BIRC6: variants seen among roughly 807,000 people sequenced by gnomAD.
The protein encoded by BIRC6 is baculoviral IAP repeat containing 6.
A neutral mutation model predicts 503.3 loss-of-function variants in BIRC6; 98 were observed. The ratio of observed to expected loss-of-function variants is 0.19; its 90% CI spans 0.17 to 0.23. The LOEUF is 0.23. Ranked by LOEUF, BIRC6 falls within the 10% of genes least tolerant of loss-of-function variation. The pLI is 1.00. For missense variants in BIRC6, 5,360 were observed against 5,806.0 expected (o/e 0.92, Z 2.50); for synonymous variants, 2,240 against 2,078.7 (o/e 1.08, Z -2.11).
Position 32,525,552 on chromosome 2 carries a change from A to G in BIRC6, c.11844A>G (p.Gly3948=), listed in dbSNP as rs2056194130. 2 of 1,613,986 alleles carry G rather than the reference A, an allele frequency of 1.2e-6. No homozygotes were observed. Among genetic ancestry groups the G allele is most frequent in the Non-Finnish European group, 1.7e-6 (2 of 1,179,864 alleles). The change falls in exon 59 of 74, where the codon GGA becomes GGG. Residue 3948 remains glycine, a synonymous_variant. Coordinates refer to ENST00000421745, the MANE Select transcript of BIRC6 (RefSeq NM_016252.4). ...RRGRTIPDKI[G]STSGAEAANK... is the part of the protein sequence containing the mutation. ...GGAGGACAATACCTGATAAAATAGGAAGTACTTCAGGAGCAGAGGCTGCCA... is the reference window on the plus strand; with the variant it reads ...GGAGGACAATACCTGATAAAATAGGGAGTACTTCAGGAGCAGAGGCTGCCA...
At chr2:32,605,727 G>A (rs1287477192) in intron 71 of BIRC6, among the ~76,000 whole-genome samples, 4 of 151,996 alleles carry the variant, frequency 2.6e-5, no homozygotes, top group Admixed American at 2.0e-4. Context: ...ATGGGGTCAC[G>A]GGCACCTGTA....
chr2:32,598,204 A>C (rs565697696), intron 69 of BIRC6, among the ~76,000 whole-genome samples: 58 of 138,180 alleles, frequency 4.2e-4, no homozygotes, highest in Admixed American at 2.7e-3. Flanking sequence ...ATCACAGCTC[A>C]CTGCAGCCTC....
At chr2:32,493,447 T>C in intron 44 of BIRC6, 93 bp from the exon 45 acceptor site, 1 of 1,264,168 alleles carries the variant, frequency 7.9e-7, no homozygotes, top group East Asian at 2.4e-5. Flanking sequence ...TTACAGTGTA[T>C]AGCTTTTGAC....
At chr2:32,452,046 G>C (rs2046786405) in intron 22 of BIRC6, among the ~76,000 whole-genome samples, 1 of 152,088 alleles carries the variant, frequency 6.6e-6, no homozygotes, top group Admixed American at 6.5e-5. Context: ...GAAGTTCATT[G>C]GTAAGATTTC....
In BIRC6 at chr2:32,552,898, A is replaced by G. The variant is rs1283429357; in HGVS notation, c.13144+3417A>G. 1.1e-4 allele frequency among the ~76,000 whole-genome samples: 17 copies of G among 150,088 alleles called. 1 individual carries two copies. The South Asian group carries it at 3.1e-3, about 28-fold the overall frequency. On this transcript the variant is annotated intron_variant, in intron 65 of 73. Coordinates refer to ENST00000421745, the MANE Select transcript of BIRC6 (RefSeq NM_016252.4). ...TTTATATTTATGTTTACTTAATTAT[A>G]TATGTACTTATATGCTTATATTAAG...
intron 55 of BIRC6, among the ~76,000 whole-genome samples, chr2:32,517,977 A>G (rs1237655269): frequency 6.6e-6 from 1 of 152,002 alleles, no homozygotes; most frequent in Non-Finnish European, 1.5e-5. Flanking sequence ...GGTATTCATT[A>G]TGTGCAAACC....
intron 45 of BIRC6, among the ~76,000 whole-genome samples, chr2:32,496,935 C>T (rs1054864587): frequency 6.6e-6 from 1 of 152,168 alleles, no homozygotes; most frequent in Non-Finnish European, 1.5e-5. Context: ...GTAAAAGTTA[C>T]TCTTCCTTCT....
chr2:32,412,487 G>T (rs1000207343), intron 9 of BIRC6, among the ~76,000 whole-genome samples: 1 of 150,978 alleles, frequency 6.6e-6, no homozygotes, highest in African/African-American at 2.4e-5. Context: ...GCAATAGTGA[G>T]ACTTTGTCTC....
chr2:32,392,867 C>T (rs2039427090), intron 5 of BIRC6, among the ~76,000 whole-genome samples: 1 of 151,574 alleles, frequency 6.6e-6, no homozygotes, highest in African/African-American at 2.4e-5. Flanking sequence ...GTCTCGAACT[C>T]CTGCTCAAGT....
intron 62 of BIRC6, among the ~76,000 whole-genome samples, chr2:32,543,966 G>A (rs74590291): frequency 0.03 from 4,639 of 152,290 alleles, 179 homozygotes; most frequent in African/African-American, 0.092. Context: ...ACTCAGCAAT[G>A]TGAATGAAGT....
chr2:32,539,418 A>G (rs1158353529), intron 61 of BIRC6, among the ~76,000 whole-genome samples: 2 of 152,242 alleles, frequency 1.3e-5, no homozygotes, highest in East Asian at 3.9e-4. Context: ...AAAGATAGAC[A>G]GTATGCTGGC....
intron 23 of BIRC6, among the ~76,000 whole-genome samples, chr2:32,460,998 C>CTCTCTTCTCTTCTCT (rs1244077881): frequency 0.012 from 1,040 of 88,708 alleles, 38 homozygotes; most frequent in Middle Eastern, 0.031. Context: ...CTCTGCTCTG[C>CTCTCTTCTCTTCTCT]TCTCTTCTCT....
Position 32,602,045 on chromosome 2 carries a change from T to C in BIRC6, c.13993-961T>C, listed in dbSNP as rs552043898. 2.0e-5 allele frequency among the ~76,000 whole-genome samples: 3 copies of C among 152,304 alleles called. No individual in the cohort carries two copies. In the South Asian group the frequency reaches 6.2e-4, roughly 32 times the overall value. ...CCACTTTTATTAAAAATAGTTATTTTAGTAAAAATAGAACTAGCATATGAT... is the reference window on the plus strand; with the variant it reads ...CCACTTTTATTAAAAATAGTTATTTCAGTAAAAATAGAACTAGCATATGAT... On this transcript the variant is annotated intron_variant, in intron 70 of 73. Transcript: ENST00000421745.
At chr2:32,471,156 C>G in intron 32 of BIRC6, 32 bp downstream of exon 32, 1 of 1,548,808 alleles carries the variant, frequency 6.5e-7, no homozygotes, top group Middle Eastern at 1.7e-4. Flanking sequence ...TGACAGGTAT[C>G]AGAAGTTTAT....
At chr2:32,499,503 CTCTCTCTCTCTCTTTTTCTG>C (rs1203378524) in intron 45 of BIRC6, 24 bp from the exon 46 acceptor site, 5 of 1,414,898 alleles carry the variant, frequency 3.5e-6, no homozygotes, top group Non-Finnish European at 4.7e-6. Flanking sequence ...TGTTGTATCT[CTCTCTCTCTCTCTTTTTCTG>C]TCTCTCTCTC....
rs188479923 is a variant in BIRC6, at chr2:32,389,527, T to C, written c.839+584T>C. On this transcript the variant is annotated intron_variant, in intron 4 of 73. Transcript: ENST00000421745. ...TAGAGGTTTTTTTGAATGCCTATTT[T>C]GTTTAATTAATTAAAAAACCAGTGA... is the stretch of plus-strand genomic sequence containing the variant. 1.8e-3 allele frequency among the ~76,000 whole-genome samples: 272 copies of C among 152,330 alleles called. 2 individuals carry two copies. The highest frequency in any genetic ancestry group is 6.4e-3 in the African/African-American group (264 of 41,572).
At chr2:32,465,995 GAGATGAGC>G (rs1279044832) in intron 26 of BIRC6, among the ~76,000 whole-genome samples, 1 of 152,122 alleles carries the variant, frequency 6.6e-6, no homozygotes, top group Non-Finnish European at 1.5e-5. Flanking sequence ...AGTCTTATGG[GAGATGAGC>G]AGTTGTTTAC....
At chr2:32,408,143 T>C (rs904888172) in intron 9 of BIRC6, among the ~76,000 whole-genome samples, 39 of 152,106 alleles carry the variant, frequency 2.6e-4, no homozygotes, top group Admixed American at 5.9e-4. Context: ...AATTTTTGTA[T>C]CTTTAGTAGA....
At chr2:32,471,804 G>C (rs72867281) in intron 32 of BIRC6, among the ~76,000 whole-genome samples, 1 of 151,908 alleles carries the variant, frequency 6.6e-6, no homozygotes, top group Non-Finnish European at 1.5e-5. Flanking sequence ...CTTACATATG[G>C]CTTACATGTA....
Sources: gnomAD v4.1 joint callset for allele counts (sites outside exome capture counted in the v4.1 genomes callset) on GRCh38, gnomAD v4.1.1 for gene constraint, MANE v1.5 for transcripts, NCBI Gene and HGNC (gene_info 2026-07-23, HGNC 2026-07-21) for gene names.